EPB41L2: variants seen among roughly 807,000 people sequenced by gnomAD.
EPB41L2 encodes the protein erythrocyte membrane protein band 4.1 like 2, also known as band 4.1-like protein 2.
EPB41L2 carries 43 observed loss-of-function variants against 113.0 expected under a neutral mutation model. The ratio of observed to expected loss-of-function variants is 0.38; its 90% CI spans 0.30 to 0.49. EPB41L2 has a LOEUF of 0.49. EPB41L2 is among the 20% of genes least tolerant of loss of function. The pLI is 0.95. For missense variants in EPB41L2, 1,147 were observed against 1,223.4 expected (o/e 0.94, Z 0.93); for synonymous variants, 442 against 436.7 (o/e 1.01, Z -0.15).
At chr6:130,935,693 A>T (rs537190980) in intron 3 of EPB41L2, among the ~76,000 whole-genome samples, 1 of 152,308 alleles carries the variant, frequency 6.6e-6, no homozygotes, top group Non-Finnish European at 1.5e-5. Context: ...TTAATATCTC[A>T]TTCATAACTA....
intron 14 of EPB41L2, among the ~76,000 whole-genome samples, chr6:130,870,762 G>A (rs1355336422): frequency 6.6e-6 from 1 of 151,396 alleles, no homozygotes; most frequent in East Asian, 1.9e-4. Flanking sequence ...CTGGAACGCT[G>A]ATTCTTAAAT....
chr6:131,055,488 A>C lies in EPB41L2; in HGVS notation c.-15+7667T>G, dbSNP rs1288504082. 3.9e-5 allele frequency among the ~76,000 whole-genome samples: 6 copies of C among 152,364 alleles called. No homozygotes were observed. In the East Asian group the frequency reaches 1.2e-3, roughly 29 times the overall value. ...TAGTACTCAGGTCTGCTTCATAATC[A>C]TACCTTTACACAAAAAACTACATGG... On this transcript the variant is annotated intron_variant, in intron 1 of 19. Transcript: ENST00000337057.
rs1441885717 is a variant in EPB41L2, at chr6:130,865,563, T to C, written c.2802A>G (p.Ser934=). The C allele has an allele frequency of 6.2e-7, 1 of 1,614,184 alleles. No individual in the cohort carries two copies. The highest frequency in any genetic ancestry group is 8.5e-7 in the Non-Finnish European group (1 of 1,180,020). The change falls in exon 17 of 20, where the codon TCA becomes TCG. Residue 934 remains serine (S), a synonymous_variant. Coordinates refer to ENST00000337057, the MANE Select transcript of EPB41L2 (RefSeq NM_001431.4). ...TGGTGATGTGTGTGGTTGTCGTTGT[T>C]GACACGGACTCAGATGTGATGGTTT... ...TAQTITSESV[S]TTTTTHITKT...
chr6:130,932,052 C>T (rs1562518644), intron 3 of EPB41L2, among the ~76,000 whole-genome samples: 1 of 152,128 alleles, frequency 6.6e-6, no homozygotes. Context: ...TACATGGATT[C>T]ATTAAAGCCA....
chr6:130,959,869 A>G (rs749132652), intron 1 of EPB41L2, among the ~76,000 whole-genome samples: 5 of 152,214 alleles, frequency 3.3e-5, no homozygotes, highest in South Asian at 4.1e-4. Context: ...GCAGCTCTCT[A>G]ATTACTTTGG....
chr6:131,017,283 TA>T lies in EPB41L2; in HGVS notation c.-15+45871del, dbSNP rs974980047. ...TCAGTGGTTTCAGTATCCCAGCAAG[TA>T]AAACCTTGTTGGGAATAAAACAAAC... On this transcript the variant is annotated intron_variant, in intron 1 of 19. Transcript: ENST00000337057. Among the ~76,000 whole-genome samples, 19 of 152,194 alleles carry T rather than the reference TA, an allele frequency of 1.2e-4. 1 individual carries two copies. The South Asian group carries it at 1.7e-3, about 13-fold the overall frequency.
At chr6:130,885,387 C>T in intron 11 of EPB41L2, 119 bp from the exon 12 acceptor site, 1 of 879,624 alleles carries the variant, frequency 1.1e-6, no homozygotes. Flanking sequence ...GGAACAGAGA[C>T]ATTGCTTGAG....
At chr6:130,855,089 C>G (rs1053988631) in intron 19 of EPB41L2, among the ~76,000 whole-genome samples, 32 of 151,858 alleles carry the variant, frequency 2.1e-4, no homozygotes, top group African/African-American at 7.2e-4. Context: ...TGGCTCACGC[C>G]TGTAAACTCA....
intron 11 of EPB41L2, among the ~76,000 whole-genome samples, chr6:130,889,810 T>C (rs1250493650): frequency 2.0e-5 from 3 of 152,188 alleles, no homozygotes; most frequent in Non-Finnish European, 4.4e-5. Flanking sequence ...TTAACAAATA[T>C]TTGTGTGCAC....
At chr6:130,884,196 G>A (rs893819563) in intron 12 of EPB41L2, among the ~76,000 whole-genome samples, 4 of 151,966 alleles carry the variant, frequency 2.6e-5, no homozygotes, top group Admixed American at 2.0e-4. Flanking sequence ...AGCCGGGCAC[G>A]TGGTGGCAGG....
intron 10 of EPB41L2, among the ~76,000 whole-genome samples, chr6:130,892,684 G>T (rs1583156403): frequency 1.3e-5 from 2 of 152,196 alleles, no homozygotes; most frequent in Admixed American, 1.3e-4. Context: ...CGTCAAGAAA[G>T]AATCATGTGT....
chr6:130,985,304 A>G (rs1317051474), intron 1 of EPB41L2, among the ~76,000 whole-genome samples: 1 of 150,894 alleles, frequency 6.6e-6, no homozygotes, highest in African/African-American at 2.4e-5. Context: ...TTGGGGGGGG[A>G]CTTTCCCACC....
intron 4 of EPB41L2, among the ~76,000 whole-genome samples, chr6:130,915,953 CT>C (rs1800914963): frequency 6.6e-6 from 1 of 152,156 alleles, no homozygotes; most frequent in Non-Finnish European, 1.5e-5. Context: ...TCAGGTATGT[CT>C]TTATCAGCAG....
intron 8 of EPB41L2, among the ~76,000 whole-genome samples, chr6:130,897,287 A>G (rs555097479): frequency 6.6e-6 from 1 of 152,224 alleles, no homozygotes; most frequent in Non-Finnish European, 1.5e-5. Flanking sequence ...AACGACATGA[A>G]ATATGAAAAG....
chr6:131,055,419 G>T (rs1797403112), intron 1 of EPB41L2, among the ~76,000 whole-genome samples: 1 of 152,012 alleles, frequency 6.6e-6, no homozygotes, highest in African/African-American at 2.4e-5. Flanking sequence ...AAGATGAAGG[G>T]TACTCCCTGT....
chr6:131,010,601 C>T (rs1188511529), intron 1 of EPB41L2, among the ~76,000 whole-genome samples: 2 of 151,660 alleles, frequency 1.3e-5, no homozygotes, highest in South Asian at 2.1e-4. Context: ...TTAGTAGAGA[C>T]GGGGTTTCAC....
At chr6:130,920,458 C>G (rs1802511423) in intron 4 of EPB41L2, among the ~76,000 whole-genome samples, 1 of 152,164 alleles carries the variant, frequency 6.6e-6, no homozygotes, top group Non-Finnish European at 1.5e-5. Flanking sequence ...CCAAACACTT[C>G]TTTAAACAAC....
At chr6:130,909,876 A>G (rs1266755980) in intron 4 of EPB41L2, among the ~76,000 whole-genome samples, 1 of 152,238 alleles carries the variant, frequency 6.6e-6, no homozygotes, top group Non-Finnish European at 1.5e-5. Context: ...AGGAAATAAG[A>G]GAGGACACAA....
intron 1 of EPB41L2, among the ~76,000 whole-genome samples, chr6:131,021,523 T>C (rs1562748579): frequency 6.6e-6 from 1 of 151,932 alleles, no homozygotes; most frequent in Admixed American, 6.6e-5. Flanking sequence ...TAGGCAGGCG[T>C]GGTGGCAGGT....
Sources: gnomAD v4.1 joint callset for allele counts (sites outside exome capture counted in the v4.1 genomes callset) on GRCh38, gnomAD v4.1.1 for gene constraint, MANE v1.5 for transcripts, NCBI Gene and HGNC (gene_info 2026-07-23, HGNC 2026-07-21) for gene names.